The following OR10J1 variants were observed in gnomAD, a reference collection of about 807,000 sequenced individuals.
The protein encoded by OR10J1 is olfactory receptor family 10 subfamily J member 1.
For synonymous variants in OR10J1, 202 were observed against 143.8 expected (o/e 1.40, Z -2.89); for missense variants, 474 against 376.6 (o/e 1.26, Z -2.14).
the OR10J1 span, among the ~76,000 whole-genome samples, chr1:159,404,668 G>A: frequency 6.6e-6 from 1 of 152,102 alleles, no homozygotes; most frequent in Admixed American, 6.6e-5. Context: ...TTTTTCTCAA[G>A]AGGTGTCGGC....
chr1:159,422,913 T>C, the OR10J1 span, among the ~76,000 whole-genome samples: 1 of 152,134 alleles, frequency 6.6e-6, no homozygotes, highest in Non-Finnish European at 1.5e-5. Flanking sequence ...GCTACATTGC[T>C]TCCCTCTCTT....
At chr1:159,406,248 G>T in the OR10J1 span, 1 of 529,726 alleles carries the variant, frequency 1.9e-6, no homozygotes, top group South Asian at 1.4e-5. Context: ...CATTGCCAGA[G>T]ACAGTCAGCA....
At chr1:159,403,385 CA>C in the OR10J1 span, among the ~76,000 whole-genome samples, 1 of 151,440 alleles carries the variant, frequency 6.6e-6, no homozygotes, top group Non-Finnish European at 1.5e-5. Flanking sequence ...ATTAATAAAC[CA>C]AATGTGTAAG....
chr1:159,427,623 T>A, the OR10J1 span, among the ~76,000 whole-genome samples: 14 of 151,768 alleles, frequency 9.2e-5, no homozygotes, highest in Non-Finnish European at 4.4e-5. Flanking sequence ...AAAAACCCCA[T>A]AAAACAGGAA....
At chr1:159,436,212 G>T (rs184701437), upstream of OR10J1, among the ~76,000 whole-genome samples, 29 of 151,858 alleles carry the variant, frequency 1.9e-4, no homozygotes, top group South Asian at 6.2e-4. Flanking sequence ...TTGAGATCTC[G>T]TAGCCACCAA....
At chr1:159,437,683 C>T (rs1212464511), upstream of OR10J1, among the ~76,000 whole-genome samples, 1 of 110,826 alleles carries the variant, frequency 9.0e-6, no homozygotes, top group Non-Finnish European at 2.5e-5. Flanking sequence ...CTCCAGGTAC[C>T]TGATACCTGC....
At chr1:159,439,257 C>G (rs1655830529), upstream of OR10J1, among the ~76,000 whole-genome samples, 1 of 152,180 alleles carries the variant, frequency 6.6e-6, no homozygotes, top group South Asian at 2.1e-4. Context: ...CATCCCTAAA[C>G]AAATTATTTT....
chr1:159,406,626 C>G, the OR10J1 span, among the ~76,000 whole-genome samples: 1 of 152,008 alleles, frequency 6.6e-6, no homozygotes, highest in Admixed American at 6.6e-5. Context: ...ATGTGAACAA[C>G]AAAATTAAGA....
chr1:159,405,136 GA>G, the OR10J1 span, among the ~76,000 whole-genome samples: 2 of 151,952 alleles, frequency 1.3e-5, no homozygotes, highest in African/African-American at 4.8e-5. Flanking sequence ...AACAAATAAA[GA>G]CATGAGGAAA....
chr1:159,401,367 G>T, the OR10J1 span, among the ~76,000 whole-genome samples: 50 of 151,782 alleles, frequency 3.3e-4, no homozygotes, highest in African/African-American at 1.2e-3. Flanking sequence ...GACTAACAAA[G>T]AAAAAAATAG....
At position 159,440,004 on chromosome 1, in the gene OR10J1, T is replaced by C; in HGVS notation, c.213T>C (p.Thr71=). 1 of 1,614,196 alleles carries C rather than the reference T, an allele frequency of 6.2e-7. No homozygotes were observed. Among genetic ancestry groups the C allele is most frequent in the South Asian group, 1.1e-5 (1 of 91,086 alleles). Residue 71 remains threonine, a synonymous_variant, in exon 1 of 1, where the codon ACT becomes ACC. Coordinates refer to ENST00000423932, the MANE Select transcript of OR10J1 (RefSeq NM_012351.3). The part of the protein sequence containing the change: ...FFLSMLSTSE[T]VYTLVILPRM... ...TGAGCATGCTGTCCACTTCAGAGAC[T>C]GTATATACATTGGTCATTCTCCCAA...
upstream of OR10J1, among the ~76,000 whole-genome samples, chr1:159,439,019 GTT>G (rs1183644111): frequency 2.0e-5 from 3 of 152,168 alleles, no homozygotes; most frequent in South Asian, 4.1e-4. Context: ...TTGCCTTCTA[GTT>G]TAGGGAAGGT....
At chr1:159,418,076 G>A in the OR10J1 span, among the ~76,000 whole-genome samples, 1 of 152,136 alleles carries the variant, frequency 6.6e-6, no homozygotes, top group Non-Finnish European at 1.5e-5. Flanking sequence ...GGTGACTTTG[G>A]TGCTGTTAAA....
chr1:159,421,153 A>AT, the OR10J1 span, among the ~76,000 whole-genome samples: 7 of 152,030 alleles, frequency 4.6e-5, no homozygotes, highest in East Asian at 3.9e-4. Flanking sequence ...AAGTTTTGAG[A>AT]TTTTTTGTCT....
At chr1:159,416,075 T>G in the OR10J1 span, among the ~76,000 whole-genome samples, 5 of 151,664 alleles carry the variant, frequency 3.3e-5, no homozygotes, top group Non-Finnish European at 7.4e-5. Flanking sequence ...ATTTAAGAGG[T>G]TTTTTTTGGT....
At chr1:159,418,662 A>AGTAAGGGTTG in the OR10J1 span, among the ~76,000 whole-genome samples, 1 of 152,238 alleles carries the variant, frequency 6.6e-6, no homozygotes, top group Non-Finnish European at 1.5e-5. Flanking sequence ...GCCCCCACAC[A>AGTAAGGGTTG]AAGTCCTTAC....
chr1:159,427,552 C>T, the OR10J1 span, among the ~76,000 whole-genome samples: 724 of 151,714 alleles, frequency 4.8e-3, 9 homozygotes, highest in African/African-American at 0.016. Flanking sequence ...ATAAAATGGG[C>T]AGATTTGGAG....
chr1:159,440,563 T>C lies in OR10J1; in HGVS notation c.772T>C (p.Tyr258His). ...CCACTACAGCTGTGCCTCCATTGCC[T>C]ACCTCAAGCCCAAGTCAGAGAACAC... ...IVHYSCASIAYLKPKSENTRE... is the reference protein window; with the variant it reads ...IVHYSCASIAHLKPKSENTRE... The change falls in exon 1 of 1, where the codon TAC becomes CAC. Residue 258 changes from tyrosine (Y) to histidine (H), a missense_variant. Physicochemically the swap from Tyr to His is moderately conservative, Grantham distance 83. Transcript: ENST00000423932. The C allele has an allele frequency of 6.2e-7, 1 of 1,613,896 alleles. No homozygotes were observed. Among genetic ancestry groups the C allele is most frequent in the Non-Finnish European group, 8.5e-7 (1 of 1,179,966 alleles).
chr1:159,437,937 A>T (rs11589514), upstream of OR10J1: 4,359 of 152,338 alleles, frequency 0.029, 78 homozygotes, highest in Non-Finnish European at 0.045. Flanking sequence ...CACCTTGGTC[A>T]CCCTATGCCT....
Sources: allele counts gnomAD v4.1 joint callset (sites outside exome capture counted in the v4.1 genomes callset), GRCh38; gene constraint gnomAD v4.1.1; transcripts MANE v1.5; gene names NCBI Gene and HGNC (gene_info 2026-07-23, HGNC 2026-07-21).